Variants in EYS observed in about 807,000 individuals in gnomAD.
The protein encoded by EYS is protein eyes shut homolog.
EYS carries 250 observed loss-of-function variants against 282.1 expected under a neutral mutation model. The observed-to-expected ratio is 0.89, with a 90% CI of 0.80 to 0.98. The LOEUF (loss-of-function observed/expected upper bound fraction) is 0.98, where lower values mean the gene tolerates loss of function less well. EYS is among the 50% of genes least tolerant of loss of function. The pLI is 0.00. For missense variants in EYS, 4,016 were observed against 3,709.0 expected (o/e 1.08, Z -2.15); for synonymous variants, 1,355 against 1,282.9 (o/e 1.06, Z -1.20).
intron 1 of EYS, among the ~76,000 whole-genome samples, chr6:65,664,100 G>A (rs945353363): frequency 6.6e-6 from 1 of 152,052 alleles, no homozygotes; most frequent in Non-Finnish European, 1.5e-5. Flanking sequence ...TCCATCTCCT[G>A]ACCTCGTGAT....
rs1313346505 is a variant in EYS at position 64,617,655 on chromosome 6, A to AG, written c.3569-123_3569-122insC. On this transcript the variant is annotated intron_variant, in intron 23 of 42. Coordinates refer to ENST00000503581, the MANE Select transcript of EYS (RefSeq NM_001142800.2). The stretch of plus-strand genomic sequence containing the variant: ...TAATTATGCTAGATGTTTTGTACAA[A>AG]TTACCTCAGTGTATCTTCATGATCA... 46 of 655,258 alleles carry AG rather than the reference A, an allele frequency of 7.0e-5. No individual in the cohort carries two copies. The African/African-American group carries it at 7.9e-4, about 11-fold the overall frequency. 40.6% of individuals were successfully genotyped at this position (655,258 alleles called of 1,614,324 possible).
chr6:64,958,121 T>G lies in EYS; in HGVS notation c.2260-12207A>C, dbSNP rs146804761. Among the ~76,000 whole-genome samples the G allele has an allele frequency of 2.2e-3, 327 of 152,072 alleles. 2 individuals are homozygous for G. Among genetic ancestry groups the G allele is most frequent in the African/African-American group, 7.6e-3 (314 of 41,518 alleles). On this transcript the variant is annotated intron_variant, in intron 14 of 42. Coordinates refer to ENST00000503581, the MANE Select transcript of EYS (RefSeq NM_001142800.2). ...TATATATATCACACATAAAATATAT[T>G]TGTATAATTATACATACACAATGTA...
At chr6:65,105,429 C>A (rs111761961) in intron 12 of EYS, among the ~76,000 whole-genome samples, 3,784 of 151,838 alleles carry the variant, frequency 0.025, 170 homozygotes, top group African/African-American at 0.087. Context: ...CACACATAAA[C>A]TATTTTTCTG....
intron 29 of EYS, among the ~76,000 whole-genome samples, chr6:64,350,137 A>C (rs1257555432): frequency 6.6e-6 from 1 of 151,536 alleles, no homozygotes; most frequent in Non-Finnish European, 1.5e-5. Context: ...GTCTCTACTC[A>C]GAGTCTAATA....
At chr6:65,664,547 T>A (rs1768135398) in intron 1 of EYS, among the ~76,000 whole-genome samples, 1 of 152,042 alleles carries the variant, frequency 6.6e-6, no homozygotes. Flanking sequence ...TATAATTTGA[T>A]AGAGAAAAGA....
chr6:65,435,733 A>T (rs1768053299), intron 5 of EYS, among the ~76,000 whole-genome samples: 1 of 152,138 alleles, frequency 6.6e-6, no homozygotes, highest in Non-Finnish European at 1.5e-5. Flanking sequence ...CCCCACCCCA[A>T]TAATTCAGAA....
intron 7 of EYS, among the ~76,000 whole-genome samples, chr6:65,387,273 T>C (rs908418559): frequency 6.6e-6 from 1 of 151,878 alleles, no homozygotes; most frequent in African/African-American, 2.4e-5. Context: ...ACAGCATGAA[T>C]AGAGTAGGGA....
chr6:63,869,065 A>AT (rs1285434448), intron 35 of EYS, among the ~76,000 whole-genome samples: 2 of 152,300 alleles, frequency 1.3e-5, no homozygotes, highest in Non-Finnish European at 2.9e-5. Flanking sequence ...AACTTGGAGA[A>AT]ACATAGTCTA....
At chr6:64,877,371 A>G (rs1766780650) in intron 19 of EYS, among the ~76,000 whole-genome samples, 1 of 152,204 alleles carries the variant, frequency 6.6e-6, no homozygotes, top group South Asian at 2.1e-4. Context: ...CAGGGGAGAC[A>G]CAAAGATTCA....
Position 65,295,420 on chromosome 6 carries a change from A to G in EYS, c.2023+443T>C, listed in dbSNP as rs147195101. ...CTTCACTTTTTCTTAAATGTTATTA[A>G]CGTCACGGCATCAAACTGACCTAGA... On this transcript the variant is annotated intron_variant, in intron 12 of 42. Transcript: ENST00000503581. 2.6e-5 allele frequency among the ~76,000 whole-genome samples: 4 copies of G among 152,108 alleles called. No individual in the cohort carries two copies. In the East Asian group the frequency reaches 7.7e-4, roughly 29 times the overall value.
At chr6:64,718,451 TA>T (rs1771466516) in intron 22 of EYS, among the ~76,000 whole-genome samples, 1 of 152,218 alleles carries the variant, frequency 6.6e-6, no homozygotes, top group Admixed American at 6.5e-5. Flanking sequence ...ATATTTCATG[TA>T]TTTTTTTACA....
chr6:64,738,994 C>T (rs1012249830), intron 22 of EYS, among the ~76,000 whole-genome samples: 4 of 152,112 alleles, frequency 2.6e-5, no homozygotes, highest in African/African-American at 7.2e-5. Context: ...GTGGTCAGCC[C>T]GCTTCAGTCT....
intron 35 of EYS, among the ~76,000 whole-genome samples, chr6:63,900,297 T>A (rs189356498): frequency 6.6e-6 from 1 of 152,212 alleles, no homozygotes; most frequent in Non-Finnish European, 1.5e-5. Flanking sequence ...TATACAGTTT[T>A]GGTGGTGCCT....
intron 12 of EYS, among the ~76,000 whole-genome samples, chr6:65,070,683 T>C (rs1367848455): frequency 6.6e-6 from 1 of 151,818 alleles, no homozygotes; most frequent in Admixed American, 6.6e-5. Context: ...CTTCTTTTTC[T>C]ATGGGGGCAA....
At chr6:63,842,859 A>G (rs1771997532) in intron 36 of EYS, among the ~76,000 whole-genome samples, 1 of 152,232 alleles carries the variant, frequency 6.6e-6, no homozygotes, top group Non-Finnish European at 1.5e-5. Context: ...TTTATTAAAT[A>G]GGGAATTTTT....
intron 15 of EYS, among the ~76,000 whole-genome samples, chr6:64,935,242 GAGA>G (rs1294731140): frequency 4.0e-5 from 6 of 151,690 alleles, no homozygotes; most frequent in East Asian, 1.9e-4. Context: ...AGCAGCAAAA[GAGA>G]AGAAGACATA....
intron 12 of EYS, among the ~76,000 whole-genome samples, chr6:65,281,034 T>TGA (rs1582096341): frequency 6.9e-5 from 2 of 28,830 alleles, no homozygotes. Flanking sequence ...AGATGCCATC[T>TGA]CAAAAAAAAA....
At chr6:64,888,449 A>C (rs945201578) in intron 18 of EYS, among the ~76,000 whole-genome samples, 3 of 152,056 alleles carry the variant, frequency 2.0e-5, no homozygotes, top group Non-Finnish European at 4.4e-5. Context: ...ACAACACATA[A>C]ATATATCAAT....
intron 29 of EYS, among the ~76,000 whole-genome samples, chr6:64,341,544 G>A (rs1174143305): frequency 6.6e-6 from 1 of 151,710 alleles, no homozygotes. Flanking sequence ...GACTACTAGA[G>A]GGAGGAGGAT....
Sources: allele counts gnomAD v4.1 joint callset (sites outside exome capture counted in the v4.1 genomes callset), GRCh38; gene constraint gnomAD v4.1.1; transcripts MANE v1.5; gene names NCBI Gene and HGNC (gene_info 2026-07-23, HGNC 2026-07-21).